The following POGZ variants were observed in gnomAD, a reference collection of about 807,000 sequenced individuals.
POGZ encodes pogo transposable element with ZNF domain.
POGZ carries 17 observed loss-of-function variants against 134.6 expected under a neutral mutation model. The observed-to-expected ratio is 0.13, with a 90% CI of 0.09 to 0.19. POGZ has a LOEUF of 0.19. Among genes scored for constraint, POGZ ranks in the 10% least tolerant of loss-of-function variants. POGZ has a pLI of 1.00. For missense variants in POGZ, 1,306 were observed against 1,769.7 expected (o/e 0.74, Z 4.70); for synonymous variants, 693 against 657.1 (o/e 1.05, Z -0.84).
At chr1:151,458,719 C>T (rs999824569) in intron 1 of POGZ, among the ~76,000 whole-genome samples, 1 of 145,436 alleles carries the variant, frequency 6.9e-6, no homozygotes, top group African/African-American at 2.5e-5. Context: ...AGCGGGCCAC[C>T]GCCCGCGCCC....
Position 151,404,753 on chromosome 1 carries a change from C to T in POGZ, c.*49G>A. 1 of 1,533,598 alleles carries T rather than the reference C, an allele frequency of 6.5e-7. No individual in the cohort carries two copies. Among genetic ancestry groups the T allele is most frequent in the Non-Finnish European group, 8.8e-7 (1 of 1,141,280 alleles). 95.0% of individuals were successfully genotyped at this position (1,533,598 alleles called of 1,614,324 possible). On this transcript the variant is annotated 3_prime_UTR_variant, in exon 19 of 19. Coordinates refer to ENST00000271715, the MANE Select transcript of POGZ (RefSeq NM_015100.4). ...CCTTTTCCCTAAGCCCCTTTACCCT[C>T]CCTCACATGTTCCCACCCTCACTCC...
intron 8 of POGZ, chr1:151,424,601 A>T (rs1223033011): frequency 1.3e-5 from 4 of 303,168 alleles, no homozygotes; most frequent in Non-Finnish European, 2.4e-5. Flanking sequence ...CCAAAAAATG[A>T]AAAGCTAAAA....
intron 10 of POGZ, among the ~76,000 whole-genome samples, chr1:151,419,594 G>A (rs942372846): frequency 2.2e-5 from 3 of 138,730 alleles, no homozygotes; most frequent in Non-Finnish European, 4.6e-5. Flanking sequence ...ATCTTAGCCT[G>A]GGAAGTGGAG....
At chr1:151,424,550 C>T (rs946875920) in intron 8 of POGZ, 2 of 352,702 alleles carry the variant, frequency 5.7e-6, no homozygotes, top group African/African-American at 2.1e-5. Context: ...TCTGAGCTCC[C>T]TGGCAAAGAA....
intron 1 of POGZ, among the ~76,000 whole-genome samples, chr1:151,454,191 C>T (rs984821348): frequency 1.3e-5 from 2 of 152,136 alleles, no homozygotes; most frequent in African/African-American, 4.8e-5. Context: ...ACATTTGGAA[C>T]AGGAAAAATA....
At chr1:151,448,720 AGTGTTG>A (rs532118854) in intron 1 of POGZ, among the ~76,000 whole-genome samples, 3 of 151,850 alleles carry the variant, frequency 2.0e-5, no homozygotes, top group Non-Finnish European at 4.4e-5. Flanking sequence ...AAATTAGCAG[AGTGTTG>A]GTGGCATGCA....
intron 1 of POGZ, among the ~76,000 whole-genome samples, chr1:151,452,855 C>T (rs567091960): frequency 2.0e-4 from 30 of 151,350 alleles, no homozygotes; most frequent in African/African-American, 6.8e-4. Flanking sequence ...CAGAGCGAGA[C>T]TCTGTCTTAA....
intron 1 of POGZ, among the ~76,000 whole-genome samples, chr1:151,458,827 C>CGGCGGGCGCCGGGGGGCGGG (rs1300407590): frequency 6.9e-6 from 1 of 145,332 alleles, no homozygotes; most frequent in East Asian, 2.0e-4. Flanking sequence ...GCGCGCGCCG[C>CGGCGGGCGCCGGGGGGCGGG]GGCGGGCGCC....
intron 3 of POGZ, among the ~76,000 whole-genome samples, chr1:151,435,237 A>T (rs1659384298): frequency 6.6e-6 from 1 of 152,094 alleles, no homozygotes; most frequent in African/African-American, 2.4e-5. Flanking sequence ...CATACCCTTA[A>T]AGCCCAGAAA....
intron 7 of POGZ, among the ~76,000 whole-genome samples, chr1:151,425,624 G>A (rs61573555): frequency 1.3e-5 from 2 of 152,130 alleles, no homozygotes; most frequent in Admixed American, 6.5e-5. Context: ...TTTGTGACTA[G>A]CCTATTTCAC....
At chr1:151,453,144 A>G (rs1662342016) in intron 1 of POGZ, among the ~76,000 whole-genome samples, 3 of 151,166 alleles carry the variant, frequency 2.0e-5, no homozygotes, top group African/African-American at 7.3e-5. Flanking sequence ...CTGGTCTTGA[A>G]CTCCTGACCT....
chr1:151,450,206 A>T (rs556868029), intron 1 of POGZ, among the ~76,000 whole-genome samples: 1 of 151,288 alleles, frequency 6.6e-6, no homozygotes, highest in African/African-American at 2.4e-5. Flanking sequence ...TAGTTTTTGT[A>T]TTTTTAGTAG....
rs757210805 is a variant in POGZ at position 151,423,398 on chromosome 1, A to T, written c.1677T>A (p.Thr559=). The T allele has an allele frequency of 6.2e-7, 1 of 1,613,762 alleles. No individual in the cohort carries two copies. Among genetic ancestry groups the T allele is most frequent in the Non-Finnish European group, 8.5e-7 (1 of 1,179,640 alleles). Residue 559 remains threonine (T), a splice_region_variant and synonymous_variant, in exon 10 of 19, where the codon ACT becomes ACA. Transcript: ENST00000271715. ...GAGTTTAAGAGTTTCCAAACTTACTAGTAGATTCATAGGGACTATGAACAT... is the reference window on the plus strand; with the variant it reads ...GAGTTTAAGAGTTTCCAAACTTACTTGTAGATTCATAGGGACTATGAACAT... The part of the protein sequence containing the change: ...LENVHSPYES[T]TKCKICEWAF...
chr1:151,431,399 G>A (rs1658671456), intron 3 of POGZ, among the ~76,000 whole-genome samples: 2 of 152,142 alleles, frequency 1.3e-5, no homozygotes, highest in Non-Finnish European at 2.9e-5. Context: ...TATTTTATTA[G>A]AAGATAATTT....
chr1:151,416,808 A>C (rs1655804437), intron 10 of POGZ, among the ~76,000 whole-genome samples: 1 of 151,644 alleles, frequency 6.6e-6, no homozygotes, highest in Non-Finnish European at 1.5e-5. Flanking sequence ...AAAATACAAA[A>C]ACAGAGAGAG....
intron 7 of POGZ, 89 bp downstream of exon 7, chr1:151,427,734 C>G: frequency 1.2e-6 from 1 of 863,482 alleles, no homozygotes; most frequent in Admixed American, 2.5e-5. Flanking sequence ...TTTTATTTTT[C>G]TATTTCTGAG....
At chr1:151,444,867 A>T (rs1016952523) in intron 1 of POGZ, among the ~76,000 whole-genome samples, 19 of 152,084 alleles carry the variant, frequency 1.2e-4, no homozygotes, top group East Asian at 3.9e-4. Flanking sequence ...ATTTTTTTTT[A>T]AAAATTAGCC....
chr1:151,411,216 T>C (rs1263727836), intron 12 of POGZ, among the ~76,000 whole-genome samples: 1 of 152,206 alleles, frequency 6.6e-6, no homozygotes, highest in East Asian at 1.9e-4. Flanking sequence ...CACCCTACAC[T>C]GAATCTCTCT....
intron 10 of POGZ, among the ~76,000 whole-genome samples, chr1:151,418,566 A>G (rs915278872): frequency 9.2e-5 from 14 of 152,200 alleles, no homozygotes; most frequent in Non-Finnish European, 1.5e-4. Flanking sequence ...AAATTTTAAA[A>G]TAGCTAGAAG....
Sources: allele counts gnomAD v4.1 joint callset (sites outside exome capture counted in the v4.1 genomes callset), GRCh38; gene constraint gnomAD v4.1.1; transcripts MANE v1.5; gene names NCBI Gene and HGNC (gene_info 2026-07-23, HGNC 2026-07-21).